MDC1: variants seen among roughly 807,000 people sequenced by gnomAD.
The protein encoded by MDC1 is mediator of DNA damage checkpoint protein 1.
MDC1 carries 81 observed loss-of-function variants against 142.5 expected under a neutral mutation model. That is an observed-to-expected ratio of 0.57 (90% CI 0.47 to 0.68). MDC1 has a LOEUF of 0.68. Among genes scored for constraint, MDC1 ranks in the 30% least tolerant of loss-of-function variants. The pLI is 0.00. For synonymous variants in MDC1, 797 were observed against 968.4 expected (o/e 0.82, Z 3.29); for missense variants, 2,119 against 2,547.9 (o/e 0.83, Z 3.62).
intron 14 of MDC1, 47 bp from the exon 15 acceptor site, chr6:30,700,679 G>T: frequency 3.1e-6 from 5 of 1,606,112 alleles, no homozygotes; most frequent in Non-Finnish European, 4.3e-6. Context: ...AAGAATCCTA[G>T]AAATGGGTTC....
In MDC1 at chr6:30,700,159, A is replaced by T. The variant is rs1019379128; in HGVS notation, c.*306T>A. The T allele has an allele frequency of 6.3e-5, 18 of 285,550 alleles. No individual in the cohort carries two copies. The highest frequency in any genetic ancestry group is 1.0e-3 in the Middle Eastern group (1 of 1,000). The allele number at this position is 285,550 out of a possible 1,614,324, so 17.7% of individuals were successfully genotyped here. ...ACTTATGACATCTGAGCATGAAACTAGCTAATTTTAAAATGGCCATTTAAT... is the reference window on the plus strand; with the variant it reads ...ACTTATGACATCTGAGCATGAAACTTGCTAATTTTAAAATGGCCATTTAAT... On this transcript the variant is annotated 3_prime_UTR_variant, in exon 15 of 15. Transcript: ENST00000376406.
chr6:30,714,170 G>A lies in MDC1; in HGVS notation c.150C>T (p.His50=), dbSNP rs1164165041. The A allele has an allele frequency of 1.9e-6, 3 of 1,608,188 alleles. No individual in the cohort carries two copies. Among genetic ancestry groups the A allele is most frequent in the Non-Finnish European group, 2.5e-6 (3 of 1,179,476 alleles). Residue 50 remains histidine (H), a synonymous_variant, in exon 3 of 15, where the codon CAC becomes CAT. Coordinates refer to ENST00000376406, the MANE Select transcript of MDC1 (RefSeq NM_014641.3). ...TTCGGCCTACCACATTCTTCCCGAG[G>A]TGTAGTGGGAAATCTAAGAATTAGA... ...AHGPEKDFPL[H]LGKNVVGRMP...
At position 30,706,102 on chromosome 6, in the gene MDC1, G is replaced by C. The variant is rs1443350524; in HGVS notation, c.3085-4C>G. ...CATCTGGAGATTCCTGATCGCCCTA[G>C]GGAGAAACAGAAGCAAGTGAGGGGG... is the stretch of plus-strand genomic sequence containing the variant. On this transcript the variant is annotated splice_polypyrimidine_tract_variant and splice_region_variant and intron_variant, in intron 9 of 14. Transcript: ENST00000376406. 1 of 1,555,566 alleles carries C rather than the reference G, an allele frequency of 6.4e-7. No individual in the cohort carries two copies. The highest frequency in any genetic ancestry group is 8.6e-7 in the Non-Finnish European group (1 of 1,160,998).
chr6:30,713,386 T>C lies in MDC1; in HGVS notation c.588-32A>G. The C allele has an allele frequency of 6.6e-7, 1 of 1,522,362 alleles. No homozygotes were observed. The highest frequency in any genetic ancestry group is 8.8e-7 in the Non-Finnish European group (1 of 1,142,572). The allele number at this position is 1,522,362 out of a possible 1,614,324, so 94.3% of individuals were successfully genotyped here. A position where few individuals can be genotyped will look rare whatever the true frequency, so the allele number is the denominator to read the frequency against. ...AGGGAAGAAAAGAGAGTCTATAGAA[T>C]TTATTTCCCTGGAAGGGATACCCCA... On this transcript the variant is annotated intron_variant, in intron 4 of 14. Transcript: ENST00000376406. The surrounding 1 kb of genome is among the most constrained non-coding windows in gnomAD (Gnocchi z 4.9).
At position 30,713,491 on chromosome 6, in the gene MDC1, C is replaced by A; in HGVS notation, c.588-137G>T. The A allele has an allele frequency of 7.9e-7, 1 of 1,258,102 alleles. No homozygotes were observed. Among genetic ancestry groups the A allele is most frequent in the South Asian group, 1.5e-5 (1 of 65,680 alleles). 77.9% of individuals were successfully genotyped at this position (1,258,102 alleles called of 1,614,324 possible). A position where few individuals can be genotyped will look rare whatever the true frequency, so the allele number is the denominator to read the frequency against. ...TTTCCAATTTGTTTTCCACTTGGCA[C>A]ATCAGATGTGCTCCATAAAAATTCA... On this transcript the variant is annotated intron_variant, in intron 4 of 14. Transcript: ENST00000376406. The surrounding 1 kb of genome is among the most constrained non-coding windows in gnomAD (Gnocchi z 4.9).
Position 30,712,009 on chromosome 6 carries a change from G to A in MDC1, c.1933C>T (p.Leu645Phe). Residue 645 changes from leucine to phenylalanine, a missense_variant, in exon 5 of 15, where the codon CTC becomes TTC. Transcript: ENST00000376406. This position sits in a 1 kb window ranked among gnomAD's most constrained non-coding sequence, Gnocchi z 4.7. ...EQDLPISREN[L>F]TDLVVDTDTL... ...TCTGTGTCCACCACCAGATCTGTGA[G>A]GTTCTCTCTTGAGATAGGGAGGTCC... is the stretch of plus-strand genomic sequence containing the variant. 4 of 1,599,546 alleles carry A rather than the reference G, an allele frequency of 2.5e-6. No individual in the cohort carries two copies. The highest frequency in any genetic ancestry group is 2.6e-6 in the Non-Finnish European group (3 of 1,173,296).
Position 30,713,298 on chromosome 6 carries a change from T to C in MDC1, c.644A>G (p.Asn215Ser). The C allele has an allele frequency of 1.2e-6, 2 of 1,611,294 alleles. No homozygotes were observed. Among genetic ancestry groups the C allele is most frequent in the Middle Eastern group, 1.7e-4 (1 of 5,964 alleles). ...TTCCACATCTGTGTCACTGTTCAAA[T>C]TGAAGGCAAAAGGCGGCCCAAGGCC... ...LGGLGPPFAF[N>S]LNSDTDVEEG... is the part of the protein sequence containing the mutation. The change falls in exon 5 of 15, where the codon AAT becomes AGT. Residue 215 changes from asparagine (N) to serine (S), a missense_variant. Coordinates refer to ENST00000376406, the MANE Select transcript of MDC1 (RefSeq NM_014641.3). The surrounding 1 kb of genome is among the most constrained non-coding windows in gnomAD (Gnocchi z 4.9).
At position 30,716,471 on chromosome 6, in the gene MDC1, CAA is replaced by C. The variant is rs1017228986; in HGVS notation, c.-4+772_-4+773del. On this transcript the variant is annotated intron_variant, in intron 1 of 14. Coordinates refer to ENST00000376406, the MANE Select transcript of MDC1 (RefSeq NM_014641.3). This position sits in a 1 kb window ranked among gnomAD's most constrained non-coding sequence, Gnocchi z 4.4. ...AGGTGATCCGCCCACCTTGGCCACCCAAAGTGTTGGGATTACAGCAGTGAGCA... is the reference window on the plus strand; with the variant it reads ...AGGTGATCCGCCCACCTTGGCCACCCAGTGTTGGGATTACAGCAGTGAGCA... Among the ~76,000 whole-genome samples the C allele has an allele frequency of 1.3e-5, 2 of 152,200 alleles. No individual in the cohort carries two copies. Among genetic ancestry groups the C allele is most frequent in the African/African-American group, 4.8e-5 (2 of 41,448 alleles).
chr6:30,711,089 C>T (rs981005146), intron 7 of MDC1, among the ~76,000 whole-genome samples: 3 of 152,164 alleles, frequency 2.0e-5, no homozygotes, highest in Admixed American at 6.5e-5. Context: ...CAAGAAAGAA[C>T]GCAGGCCGGG....
At position 30,709,838 on chromosome 6, in the gene MDC1, T is replaced by C. The variant is rs560515859; in HGVS notation, c.2222-1481A>G. On this transcript the variant is annotated intron_variant, in intron 7 of 14. Transcript: ENST00000376406. The surrounding 1 kb of genome is among the most constrained non-coding windows in gnomAD (Gnocchi z 4.2). Reference sequence around the variant, plus strand: ...CCATGTTGCTGCAGATGACAGGATTTCATTCTCTTCTGTTGCTGAATACTG... The same window carrying C: ...CCATGTTGCTGCAGATGACAGGATTCCATTCTCTTCTGTTGCTGAATACTG... Among the ~76,000 whole-genome samples, 4 of 152,334 alleles carry C rather than the reference T, an allele frequency of 2.6e-5. No homozygotes were observed. The highest frequency in any genetic ancestry group is 1.3e-4 in the Admixed American group (2 of 15,292).
In MDC1 at chr6:30,712,060, C is replaced by T; in HGVS notation, c.1882G>A (p.Gly628Arg). The T allele has an allele frequency of 1.3e-6, 2 of 1,587,296 alleles. No individual in the cohort carries two copies. Among genetic ancestry groups the T allele is most frequent in the South Asian group, 1.2e-5 (1 of 86,784 alleles). Residue 628 changes from glycine (G) to arginine (R), a missense_variant, in exon 5 of 15, where the codon GGG becomes AGG. Physicochemically the swap from Gly to Arg is moderately radical, Grantham distance 125. Coordinates refer to ENST00000376406, the MANE Select transcript of MDC1 (RefSeq NM_014641.3). The surrounding 1 kb of genome is among the most constrained non-coding windows in gnomAD (Gnocchi z 4.7). ...ERAHEVGAQGGPPVAQVEQDL... is the reference protein window; with the variant it reads ...ERAHEVGAQGRPPVAQVEQDL... ...TGCTCCACTTGTGCCACAGGTGGCC[C>T]ACCCTGGGCCCCCACCTCATGAGCT...
rs1429457866 is a variant in MDC1 at position 30,703,934 on chromosome 6, G to C, written c.5249C>G (p.Ser1750Cys). The C allele has an allele frequency of 6.2e-7, 1 of 1,614,168 alleles. No homozygotes were observed. ...CCATCTTTGGTTCCTTGAGGCCTGGGATTTAGGTTCCAAGGGTGCAGAGCA... is the reference window on the plus strand; with the variant it reads ...CCATCTTTGGTTCCTTGAGGCCTGGCATTTAGGTTCCAAGGGTGCAGAGCA... ...KPCSAPLEPK[S>C]QASRNQRWGA... Residue 1750 changes from serine (S) to cysteine (C), a missense_variant, in exon 10 of 15, where the codon TCC becomes TGC. Ser to Cys is a moderately radical substitution (Grantham distance 112, BLOSUM62 -1). Transcript: ENST00000376406. The surrounding 1 kb of genome is among the most constrained non-coding windows in gnomAD (Gnocchi z 4.4).
chr6:30,713,110 C>T lies in MDC1; in HGVS notation c.832G>A (p.Ala278Thr), dbSNP rs556805446. 38 of 1,613,118 alleles carry T rather than the reference C, an allele frequency of 2.4e-5. No individual in the cohort carries two copies. The highest frequency in any genetic ancestry group is 3.2e-5 in the Non-Finnish European group (38 of 1,179,984). Residue 278 changes from alanine to threonine, a missense_variant, in exon 5 of 15, where the codon GCA becomes ACA. Ala to Thr is a moderately conservative substitution (Grantham distance 58). Coordinates refer to ENST00000376406, the MANE Select transcript of MDC1 (RefSeq NM_014641.3). The surrounding 1 kb of genome is among the most constrained non-coding windows in gnomAD (Gnocchi z 4.9). The stretch of plus-strand genomic sequence containing the variant: ...CCAGCTGGAACCACCCCATTCCCTG[C>T]ACCCCTCTTGACTTTTGTATCATTG... ...RDNDTKVKRGAGNGVVPAGVI... is the reference protein window; with the variant it reads ...RDNDTKVKRGTGNGVVPAGVI...
chr6:30,706,184 T>A, intron 9 of MDC1, 86 bp from the exon 10 acceptor site: 1 of 1,177,546 alleles, frequency 8.5e-7, no homozygotes, highest in Non-Finnish European at 1.2e-6. Context: ...TGTTTATGGT[T>A]AGATAGGCTT....
Position 30,701,091 on chromosome 6 carries a change from G to A in MDC1, c.6103-459C>T, listed in dbSNP as rs7382465. 7.6e-3 allele frequency among the ~76,000 whole-genome samples: 986 copies of A among 129,706 alleles called. 11 individuals are homozygous for A. The highest frequency in any genetic ancestry group is 0.011 in the Admixed American group (144 of 12,808). The allele number at this position is 129,706 out of a possible 152,430, so 85.1% of individuals were successfully genotyped here. ...CTCCATCTCAAAAGAAAAAAAAAAA[G>A]AAAAAAAAAAAAGAAATACTCTTGC... On this transcript the variant is annotated intron_variant, in intron 14 of 14. Transcript: ENST00000376406.
Position 30,712,677 on chromosome 6 carries a change from C to A in MDC1, c.1265G>T (p.Ser422Ile), listed in dbSNP as rs770038326. Reference sequence around the variant, plus strand: ...ATCTCTGTTCCATATAGCAGGCTGGCTCTCTTTCAGATGTGCCAAAGTCAG... The same window carrying A: ...ATCTCTGTTCCATATAGCAGGCTGGATCTCTTTCAGATGTGCCAAAGTCAG... ...AALTLAHLKE[S>I]QPAIWNRDAE... The change falls in exon 5 of 15, where the codon AGC (serine) becomes ATC (isoleucine). Residue 422 changes from serine to isoleucine, a missense_variant. Transcript: ENST00000376406. The surrounding 1 kb of genome is among the most constrained non-coding windows in gnomAD (Gnocchi z 4.7). 2 of 1,613,052 alleles carry A rather than the reference C, an allele frequency of 1.2e-6. No homozygotes were observed. The highest frequency in any genetic ancestry group is 2.2e-5 in the South Asian group (2 of 91,080).
rs1772392207 is a variant in MDC1 at position 30,700,192 on chromosome 6, T to C, written c.*273A>G. The C allele has an allele frequency of 2.9e-6, 1 of 342,126 alleles. No homozygotes were observed. Among genetic ancestry groups the C allele is most frequent in the Non-Finnish European group, 5.2e-6 (1 of 191,236 alleles). The allele number at this position is 342,126 out of a possible 1,614,324, so 21.2% of individuals were successfully genotyped here. A position where few individuals can be genotyped will look rare whatever the true frequency, so the allele number is the denominator to read the frequency against. ...TTAAAATGGCCATTTAATACATGCA[T>C]GTAAGAAATCTTGTATCCCCTAAAT... On this transcript the variant is annotated 3_prime_UTR_variant, in exon 15 of 15. Coordinates refer to ENST00000376406, the MANE Select transcript of MDC1 (RefSeq NM_014641.3).
At position 30,712,006 on chromosome 6, in the gene MDC1, T is replaced by C. The variant is rs778909415; in HGVS notation, c.1936A>G (p.Thr646Ala). The C allele has an allele frequency of 6.3e-7, 1 of 1,599,594 alleles. No individual in the cohort carries two copies. The highest frequency in any genetic ancestry group is 1.7e-5 in the Admixed American group (1 of 58,078). ...GTGTCTGTGTCCACCACCAGATCTG[T>C]GAGGTTCTCTCTTGAGATAGGGAGG... is the stretch of plus-strand genomic sequence containing the variant. ...QDLPISRENL[T>A]DLVVDTDTLG... is the part of the protein sequence containing the mutation. Residue 646 changes from threonine to alanine, a missense_variant, in exon 5 of 15, where the codon ACA (threonine) becomes GCA (alanine). Physicochemically the swap from Thr to Ala is moderately conservative, Grantham distance 58. Transcript: ENST00000376406. This position sits in a 1 kb window ranked among gnomAD's most constrained non-coding sequence, Gnocchi z 4.7.
chr6:30,700,016 CTG>C lies in MDC1; in HGVS notation c.*447_*448del, dbSNP rs2127644399. On this transcript the variant is annotated 3_prime_UTR_variant, in exon 15 of 15. Transcript: ENST00000376406. ...TCACTCCAAGCATCCCTTCAAGTTC[CTG>C]ACCCCAAAGTAAGAATCTCAGTAAG... is the stretch of plus-strand genomic sequence containing the variant. 1.3e-5 allele frequency: 3 copies of C among 229,948 alleles called. No homozygotes were observed. In the East Asian group the frequency reaches 1.9e-4, roughly 14 times the overall value. 14.2% of individuals were successfully genotyped at this position (229,948 alleles called of 1,614,324 possible).
Sources: allele counts gnomAD v4.1 joint callset (sites outside exome capture counted in the v4.1 genomes callset), GRCh38; gene constraint gnomAD v4.1.1; non-coding constraint Gnocchi (gnomAD v3.1); transcripts MANE v1.5; gene names NCBI Gene and HGNC (gene_info 2026-07-23, HGNC 2026-07-21).